TOR1AIP2: variants seen among roughly 807,000 people sequenced by gnomAD.
The protein encoded by TOR1AIP2 is torsin-1A-interacting protein 2.
TOR1AIP2 carries 20 observed loss-of-function variants against 32.6 expected under a neutral mutation model. The ratio of observed to expected loss-of-function variants is 0.61; its 90% CI spans 0.43 to 0.89. The LOEUF is 0.89. TOR1AIP2 is among the 40% of genes least tolerant of loss of function. TOR1AIP2 has a pLI of 0.00. For missense variants in TOR1AIP2, 456 were observed against 553.8 expected (o/e 0.82, Z 1.77); for synonymous variants, 214 against 210.8 (o/e 1.02, Z -0.13).
intron 3 of TOR1AIP2, chr1:179,863,345 CT>C: frequency 3.0e-6 from 3 of 983,734 alleles, no homozygotes; most frequent in Non-Finnish European, 3.6e-6. Flanking sequence ...TAAACTGGTA[CT>C]TTCTAATGAG....
At position 179,845,740 on chromosome 1, in the gene TOR1AIP2, C is replaced by G. The variant is rs938229526; in HGVS notation, c.*331G>C. Reference sequence around the variant, plus strand: ...CACTCAAGAAAAAAAAAAAATCACTCTGTAGTTACTCTAAGAAGTAAGAGT... The same window carrying G: ...CACTCAAGAAAAAAAAAAAATCACTGTGTAGTTACTCTAAGAAGTAAGAGT... On this transcript the variant is annotated 3_prime_UTR_variant, in exon 7 of 7. Coordinates refer to ENST00000609928, the MANE Select transcript of TOR1AIP2 (RefSeq NM_001199260.2). 8 of 188,752 alleles carry G rather than the reference C, an allele frequency of 4.2e-5. No individual in the cohort carries two copies. Among genetic ancestry groups the G allele is most frequent in the Non-Finnish European group, 8.6e-5 (8 of 92,950 alleles). 11.7% of individuals were successfully genotyped at this position (188,752 alleles called of 1,614,324 possible).
intron 3 of TOR1AIP2, chr1:179,861,898 C>G: frequency 1.1e-6 from 1 of 937,054 alleles, no homozygotes; most frequent in Non-Finnish European, 1.3e-6. Context: ...AGTGGTCTGA[C>G]TATCTTGCCC....
At chr1:179,855,652 G>A (rs1161618176) in intron 3 of TOR1AIP2, among the ~76,000 whole-genome samples, 1 of 152,046 alleles carries the variant, frequency 6.6e-6, no homozygotes, top group Admixed American at 6.6e-5. Flanking sequence ...GAAAATTAAG[G>A]CACACACTCT....
At chr1:179,864,266 T>C (rs1571688013) in intron 3 of TOR1AIP2, 1 of 984,344 alleles carries the variant, frequency 1.0e-6, no homozygotes, top group Non-Finnish European at 1.2e-6. Flanking sequence ...GAGCAAATTT[T>C]ATCTATCTAT....
intron 3 of TOR1AIP2, chr1:179,861,782 A>C (rs1696542938): frequency 1.0e-6 from 1 of 985,270 alleles, no homozygotes; most frequent in African/African-American, 1.7e-5. Flanking sequence ...CACTATGGAC[A>C]TATTACTACA....
intron 3 of TOR1AIP2, chr1:179,863,440 T>C: frequency 1.0e-6 from 1 of 985,172 alleles, no homozygotes; most frequent in Non-Finnish European, 1.2e-6. Flanking sequence ...CCTTTTGCTC[T>C]CTACTTCCAG....
chr1:179,860,615 C>A (rs568980122), intron 3 of TOR1AIP2: 1 of 985,360 alleles, frequency 1.0e-6, no homozygotes, highest in South Asian at 4.7e-5. Flanking sequence ...TGTTATTGCA[C>A]TTAAACCTCA....
chr1:179,865,304 T>G lies in TOR1AIP2; in HGVS notation c.-147+132A>C, dbSNP rs1008435444. The G allele has an allele frequency of 3.2e-6, 4 of 1,259,378 alleles. No homozygotes were observed. The Admixed American group carries it at 1.1e-4, about 34-fold the overall frequency. The allele number at this position is 1,259,378 out of a possible 1,614,324, so 78.0% of individuals were successfully genotyped here. A position where few individuals can be genotyped will look rare whatever the true frequency, so the allele number is the denominator to read the frequency against. ...ATTTCTTAGTTCAACCAATATTATTTGGAGAGCCAAATAAACTTGGCTTGC... is the reference window on the plus strand; with the variant it reads ...ATTTCTTAGTTCAACCAATATTATTGGGAGAGCCAAATAAACTTGGCTTGC... On this transcript the variant is annotated intron_variant, in intron 3 of 6. Transcript: ENST00000609928.
intron 2 of TOR1AIP2, chr1:179,868,033 T>C (rs1319720160): frequency 1.3e-5 from 2 of 152,232 alleles, no homozygotes; most frequent in African/African-American, 4.8e-5. Context: ...CCTGGGAAAA[T>C]GCTCCTGGCA....
chr1:179,852,568 T>G (rs557687833), intron 4 of TOR1AIP2, 64 bp downstream of exon 4: 43 of 1,554,454 alleles, frequency 2.8e-5, no homozygotes, highest in Non-Finnish European at 3.6e-5. Context: ...TCAGAGATTT[T>G]CTCTCTCTGC....
Position 179,846,163 on chromosome 1 carries a change from C to T in TOR1AIP2, c.1321G>A (p.Asp441Asn). The change falls in exon 7 of 7, where the codon GAC becomes AAC. Residue 441 changes from aspartate to asparagine, a missense_variant. By Grantham distance (23) the Asp-to-Asn change is conservative. Transcript: ENST00000609928. ...CGGCTCCACAGCCCACTCAATTTGT[C>T]TGAGTCCATGTGGTTGAAGGAGGTG... ...TPTSFNHMDSDKLSGLWSRIS... is the reference protein window; with the variant it reads ...TPTSFNHMDSNKLSGLWSRIS... 1 of 1,614,220 alleles carries T rather than the reference C, an allele frequency of 6.2e-7. No homozygotes were observed. The highest frequency in any genetic ancestry group is 8.5e-7 in the Non-Finnish European group (1 of 1,180,042).
At chr1:179,865,173 A>T (rs1215337023) in intron 3 of TOR1AIP2, 1 of 1,597,248 alleles carries the variant, frequency 6.3e-7, no homozygotes, top group East Asian at 2.2e-5. Flanking sequence ...TTATCTGAAA[A>T]CATCTGGACC....
Position 179,846,627 on chromosome 1 carries a change from T to C in TOR1AIP2, c.857A>G (p.Asn286Ser), listed in dbSNP as rs777974264. 6 of 1,613,908 alleles carry C rather than the reference T, an allele frequency of 3.7e-6. No homozygotes were observed. The highest frequency in any genetic ancestry group is 2.2e-5 in the East Asian group (1 of 44,894). Residue 286 changes from asparagine to serine, a missense_variant, in exon 7 of 7, where the codon AAT (asparagine) becomes AGT (serine). Asn to Ser is a conservative substitution (Grantham distance 46). Transcript: ENST00000609928. Reference protein sequence around the residue: ...RGRKFLQKHLNASNPTEPATI... With the variant: ...RGRKFLQKHLSASNPTEPATI... ...GGCTGGCTCAGTGGGGTTGGAAGCA[T>C]TGAGGTGCTTCTGGAGAAACTTCCG...
chr1:179,858,240 CA>C (rs756539229), intron 3 of TOR1AIP2, among the ~76,000 whole-genome samples: 10 of 151,852 alleles, frequency 6.6e-5, no homozygotes, highest in Non-Finnish European at 1.3e-4. Context: ...GAAAGTATTC[CA>C]TTTTTTGTCA....
intron 3 of TOR1AIP2, among the ~76,000 whole-genome samples, chr1:179,857,085 T>G (rs1262514209): frequency 6.6e-6 from 1 of 152,214 alleles, no homozygotes; most frequent in South Asian, 2.1e-4. Context: ...TGCCCCAAAA[T>G]AGATGCTTTT....
intron 2 of TOR1AIP2, chr1:179,868,574 G>A (rs148093667): frequency 6.6e-6 from 1 of 152,062 alleles, no homozygotes; most frequent in Non-Finnish European, 1.5e-5. Flanking sequence ...AACTGCACCT[G>A]TACATTTAAA....
At chr1:179,862,078 A>T (rs1433224414) in intron 3 of TOR1AIP2, 2 of 985,324 alleles carry the variant, frequency 2.0e-6, no homozygotes, top group Non-Finnish European at 2.4e-6. Flanking sequence ...GCAGACCAAG[A>T]AATCTCCATT....
chr1:179,847,484 A>G (rs764140758), intron 6 of TOR1AIP2, 51 bp downstream of exon 6: 3 of 1,228,432 alleles, frequency 2.4e-6, no homozygotes, highest in Admixed American at 1.7e-5. Context: ...ATTTTCACTG[A>G]GGATTTCTGA....
chr1:179,860,380 G>T, intron 3 of TOR1AIP2: 1 of 824,622 alleles, frequency 1.2e-6, no homozygotes, highest in Non-Finnish European at 1.5e-6. Flanking sequence ...TACTTAGGGG[G>T]CTGAAGTGGG....
Sources: gnomAD v4.1 joint callset for allele counts (sites outside exome capture counted in the v4.1 genomes callset) on GRCh38, gnomAD v4.1.1 for gene constraint, MANE v1.5 for transcripts, NCBI Gene and HGNC (gene_info 2026-07-23, HGNC 2026-07-21) for gene names.